Variants in EIF2B3 observed in about 807,000 individuals in gnomAD.
The protein encoded by EIF2B3 is translation initiation factor eIF2B subunit gamma.
EIF2B3 carries 20 observed loss-of-function variants against 54.1 expected under a neutral mutation model. The ratio of observed to expected loss-of-function variants is 0.37; its 90% CI spans 0.26 to 0.54. The LOEUF (loss-of-function observed/expected upper bound fraction) is 0.54, where lower values mean the gene tolerates loss of function less well. Ranked by LOEUF, EIF2B3 falls within the 20% of genes least tolerant of loss-of-function variation. The probability of loss-of-function intolerance (pLI) is 0.86; values close to 1 mark genes in which losing one functional copy is unlikely to be tolerated. For missense variants in EIF2B3, 448 were observed against 547.8 expected, an observed-to-expected ratio of 0.82 and a Z score of 1.82; for synonymous variants, 153 against 188.1, an observed-to-expected ratio of 0.81 and a Z score of 1.52.
intron 3 of EIF2B3, among the ~76,000 whole-genome samples, chr1:44,956,497 AT>A (rs879868194): frequency 2.0e-5 from 3 of 151,996 alleles, no homozygotes; most frequent in Non-Finnish European, 2.9e-5. Context: ...ATAAAAAAAA[AT>A]CAATAGAAAC....
At chr1:44,858,476 A>C (rs921771889) in intron 10 of EIF2B3, among the ~76,000 whole-genome samples, 6 of 151,868 alleles carry the variant, frequency 4.0e-5, no homozygotes, top group African/African-American at 4.8e-5. Context: ...CATTCAAAAA[A>C]ATTTTTTTTT....
chr1:44,898,577 C>T (rs938904114), intron 5 of EIF2B3, among the ~76,000 whole-genome samples: 1 of 151,524 alleles, frequency 6.6e-6, no homozygotes, highest in East Asian at 1.9e-4. Context: ...AATAAATACA[C>T]AGGGAAGGGG....
chr1:44,977,430 A>C (rs56875328), intron 3 of EIF2B3, among the ~76,000 whole-genome samples: 33,702 of 151,864 alleles, frequency 0.22, 4,059 homozygotes, highest in Admixed American at 0.32. Flanking sequence ...CACAAACTTC[A>C]TATGAATGGA....
At chr1:44,887,747 G>A (rs1655643443) in intron 6 of EIF2B3, among the ~76,000 whole-genome samples, 1 of 152,100 alleles carries the variant, frequency 6.6e-6, no homozygotes, top group African/African-American at 2.4e-5. Flanking sequence ...TCTATTAAAA[G>A]TACAAAAATT....
intron 5 of EIF2B3, among the ~76,000 whole-genome samples, chr1:44,925,769 C>T (rs1217212157): frequency 6.6e-6 from 1 of 151,900 alleles, no homozygotes; most frequent in Non-Finnish European, 1.5e-5. Context: ...ACTAAAAATA[C>T]AAAAATTAGC....
At position 44,951,954 on chromosome 1, in the gene EIF2B3, A is replaced by AT. The variant is rs1171020644; in HGVS notation, c.295-10290dup. On this transcript the variant is annotated intron_variant, in intron 3 of 11. Transcript: ENST00000360403. ...AGGGGCGCACCACCATGCCTGGCTA[A>AT]TTTTTTTTTTTTTTTTTTTTTTTTT... is the stretch of plus-strand genomic sequence containing the variant. Among the ~76,000 whole-genome samples the AT allele has an allele frequency of 6.3e-3, 282 of 44,638 alleles. 42 individuals are homozygous for AT. Among genetic ancestry groups the AT allele is most frequent in the East Asian group, 0.028 (9 of 324 alleles). 29.3% of individuals were successfully genotyped at this position (44,638 alleles called of 152,430 possible). A position where few individuals can be genotyped will look rare whatever the true frequency, so the allele number is the denominator to read the frequency against.
At chr1:44,874,274 T>G (rs1655051742) in intron 10 of EIF2B3, among the ~76,000 whole-genome samples, 1 of 152,200 alleles carries the variant, frequency 6.6e-6, no homozygotes, top group Non-Finnish European at 1.5e-5. Flanking sequence ...CTTTCAAATG[T>G]TTGTATGTAT....
chr1:44,952,798 C>G (rs928788547), intron 3 of EIF2B3, among the ~76,000 whole-genome samples: 1 of 151,114 alleles, frequency 6.6e-6, no homozygotes, highest in Non-Finnish European at 1.5e-5. Context: ...GTGATCCGCC[C>G]GCCTCGGCCT....
intron 5 of EIF2B3, among the ~76,000 whole-genome samples, chr1:44,915,397 G>A (rs570526924): frequency 3.4e-4 from 51 of 151,908 alleles, no homozygotes; most frequent in Non-Finnish European, 5.0e-4. Flanking sequence ...CTGCAGCCTC[G>A]AACTCCCCGG....
chr1:44,882,548 T>C (rs1655437340), intron 6 of EIF2B3, among the ~76,000 whole-genome samples: 1 of 152,034 alleles, frequency 6.6e-6, no homozygotes, highest in Non-Finnish European at 1.5e-5. Flanking sequence ...GTTCAAGTGA[T>C]TCTCCCACCT....
intron 3 of EIF2B3, among the ~76,000 whole-genome samples, chr1:44,956,989 G>C (rs1196433613): frequency 1.3e-5 from 2 of 152,258 alleles, no homozygotes; most frequent in Non-Finnish European, 2.9e-5. Context: ...AAGGCTGGGA[G>C]TGGTGGCTCA....
At chr1:44,946,456 G>A (rs78684225) in intron 3 of EIF2B3, among the ~76,000 whole-genome samples, 1 of 96,688 alleles carries the variant, frequency 1.0e-5, no homozygotes, top group Non-Finnish European at 2.1e-5. Context: ...TTTTTTTTTT[G>A]AGACAGGGTC....
intron 6 of EIF2B3, among the ~76,000 whole-genome samples, chr1:44,889,239 T>C (rs568042216): frequency 2.4e-4 from 36 of 152,320 alleles, no homozygotes; most frequent in South Asian, 1.5e-3. Flanking sequence ...AAAGTGCTTT[T>C]TAAAAGAGTC....
chr1:44,941,428 T>C, intron 4 of EIF2B3, 78 bp downstream of exon 4: 1 of 1,489,502 alleles, frequency 6.7e-7, no homozygotes, highest in Non-Finnish European at 9.1e-7. Context: ...TCTTAATAAA[T>C]GTTTTTTCAG....
rs1655415969 is a variant in EIF2B3, at chr1:44,881,936, G to A, written c.657-197C>T. 6.6e-6 allele frequency among the ~76,000 whole-genome samples: 1 copy of A among 152,140 alleles called. No individual in the cohort carries two copies. Among genetic ancestry groups the A allele is most frequent in the African/African-American group, 2.4e-5 (1 of 41,420 alleles). On this transcript the variant is annotated intron_variant, in intron 6 of 11. Transcript: ENST00000360403. This position sits in a 1 kb window ranked among gnomAD's most constrained non-coding sequence, Gnocchi z 4.0. ...TGGTGGGTACTGAGACAGGATGTTG[G>A]GTCTAAGTGATCAGGAATCTGTACT...
chr1:44,886,421 T>C (rs1019209153), intron 6 of EIF2B3, among the ~76,000 whole-genome samples: 3 of 152,230 alleles, frequency 2.0e-5, no homozygotes, highest in Non-Finnish European at 4.4e-5. Flanking sequence ...GTATTCTTAC[T>C]ATATATATGA....
intron 3 of EIF2B3, among the ~76,000 whole-genome samples, chr1:44,953,945 C>T (rs1293328955): frequency 1.3e-5 from 2 of 152,050 alleles, no homozygotes; most frequent in Non-Finnish European, 2.9e-5. Context: ...AAGAGACAGA[C>T]CTAAATCAGA....
chr1:44,952,167 T>G (rs1352354392), intron 3 of EIF2B3, among the ~76,000 whole-genome samples: 3 of 138,078 alleles, frequency 2.2e-5, no homozygotes, highest in African/African-American at 2.7e-5. Context: ...GTTTCACCGT[T>G]TTAGCCAGGA....
At chr1:44,963,827 AGT>A (rs945771720) in intron 3 of EIF2B3, among the ~76,000 whole-genome samples, 13 of 152,196 alleles carry the variant, frequency 8.5e-5, no homozygotes, top group African/African-American at 2.4e-4. Flanking sequence ...TTGTGATGAC[AGT>A]CTGTGTTATC....
Sources: allele counts gnomAD v4.1 joint callset (sites outside exome capture counted in the v4.1 genomes callset), GRCh38; gene constraint gnomAD v4.1.1; non-coding constraint Gnocchi (gnomAD v3.1); transcripts MANE v1.5; gene names NCBI Gene and HGNC (gene_info 2026-07-23, HGNC 2026-07-21).